RIN2: variants seen among roughly 807,000 people sequenced by gnomAD.
RIN2 encodes the protein RAB5 interacting protein 2.
In RIN2, 36 loss-of-function variants were observed where a neutral mutation model predicts 78.0. The ratio of observed to expected loss-of-function variants is 0.46; its 90% CI spans 0.35 to 0.61. The LOEUF (loss-of-function observed/expected upper bound fraction) is 0.61, where lower values mean the gene tolerates loss of function less well. Ranked by LOEUF, RIN2 falls within the 20% of genes least tolerant of loss-of-function variation. The pLI is 0.00. For synonymous variants in RIN2, 466 were observed against 466.8 expected, an observed-to-expected ratio of 1.00 and a Z score of 0.02; for missense variants, 1,087 against 1,159.7, an observed-to-expected ratio of 0.94 and a Z score of 0.91.
At chr20:19,945,562 A>G (rs551668862) in intron 4 of RIN2, among the ~76,000 whole-genome samples, 1 of 152,306 alleles carries the variant, frequency 6.6e-6, no homozygotes, top group Admixed American at 6.5e-5. Flanking sequence ...GGAATAAAGC[A>G]TTCTGTATTT....
chr20:19,984,622 C>T (rs2042569046), intron 9 of RIN2, among the ~76,000 whole-genome samples: 1 of 152,068 alleles, frequency 6.6e-6, no homozygotes, highest in Admixed American at 6.6e-5. Context: ...CAAAAGTTAG[C>T]TGGGTGTGGT....
chr20:19,786,747 T>C (rs2034690072), intron 1 of RIN2, among the ~76,000 whole-genome samples: 2 of 152,256 alleles, frequency 1.3e-5, no homozygotes, highest in South Asian at 4.1e-4. Context: ...CTAATACCTT[T>C]TGCGGTAGTG....
At chr20:19,854,794 G>T (rs2037112173) in intron 2 of RIN2, among the ~76,000 whole-genome samples, 1 of 152,176 alleles carries the variant, frequency 6.6e-6, no homozygotes, top group African/African-American at 2.4e-5. Flanking sequence ...AGACGATGGG[G>T]TTTTCTAAAT....
chr20:19,924,489 C>CT (rs1333234189), intron 3 of RIN2, among the ~76,000 whole-genome samples: 589 of 35,186 alleles, frequency 0.017, 6 homozygotes, highest in African/African-American at 0.059. Context: ...CCTTCATACC[C>CT]CACCTTCATA....
chr20:19,805,441 A>G (rs1239612603), intron 2 of RIN2, among the ~76,000 whole-genome samples: 1 of 152,132 alleles, frequency 6.6e-6, no homozygotes, highest in Non-Finnish European at 1.5e-5. Context: ...TCACTCTGTC[A>G]CCCAGGCTGG....
chr20:19,980,999 G>C (rs1008003595), intron 9 of RIN2, among the ~76,000 whole-genome samples: 1 of 152,202 alleles, frequency 6.6e-6, no homozygotes, highest in African/African-American at 2.4e-5. Context: ...GTTTTTAAAA[G>C]AGCCAAGTGA....
In RIN2 at chr20:19,970,806, T is replaced by G. The variant is rs771367646; in HGVS notation, c.537-32T>G. On this transcript the variant is annotated intron_variant, in intron 7 of 12. Coordinates refer to ENST00000255006, the MANE Select transcript of RIN2 (RefSeq NM_018993.4). ...ACAAGATAGAAAGCAGACATGTAAT[T>G]ACAAACATTCTCTCTTTTTCTGAAC... 1.2e-5 allele frequency: 18 copies of G among 1,512,982 alleles called. No homozygotes were observed. The East Asian group carries it at 4.1e-4, about 34-fold the overall frequency. The allele number at this position is 1,512,982 out of a possible 1,614,324, so 93.7% of individuals were successfully genotyped here. A position where few individuals can be genotyped will look rare whatever the true frequency, so the allele number is the denominator to read the frequency against.
At chr20:19,974,586 TAA>T (rs1438612371) in intron 8 of RIN2, 66 bp from the exon 9 acceptor site, 12 of 1,506,074 alleles carry the variant, frequency 8.0e-6, no homozygotes, top group Non-Finnish European at 1.1e-5. Context: ...GTGCTTTTTT[TAA>T]TTTGTGAAGG....
chr20:19,858,146 C>T (rs1189455260), intron 2 of RIN2, among the ~76,000 whole-genome samples: 1 of 151,856 alleles, frequency 6.6e-6, no homozygotes, highest in Admixed American at 6.6e-5. Context: ...ATTAAGATGG[C>T]TTGAGTTTTT....
At chr20:19,972,939 A>G (rs1403485713) in intron 8 of RIN2, among the ~76,000 whole-genome samples, 1 of 152,244 alleles carries the variant, frequency 6.6e-6, no homozygotes, top group Non-Finnish European at 1.5e-5. Flanking sequence ...CCAAAACATT[A>G]TAATTTCTAC....
At chr20:19,960,022 G>A (rs1342930262) in intron 5 of RIN2, among the ~76,000 whole-genome samples, 1 of 152,212 alleles carries the variant, frequency 6.6e-6, no homozygotes, top group Non-Finnish European at 1.5e-5. Flanking sequence ...TGTGAAGTGA[G>A]TCAGGAATAA....
At chr20:19,810,610 G>A (rs1205072053) in intron 2 of RIN2, among the ~76,000 whole-genome samples, 3 of 149,476 alleles carry the variant, frequency 2.0e-5, no homozygotes, top group East Asian at 2.0e-4. Context: ...TTGCTCTCTC[G>A]TTAGTTTAGC....
intron 2 of RIN2, among the ~76,000 whole-genome samples, chr20:19,864,974 C>T (rs2037456721): frequency 6.6e-6 from 1 of 152,152 alleles, no homozygotes; most frequent in African/African-American, 2.4e-5. Flanking sequence ...TTTATTTCTT[C>T]ATTTTCTCTT....
At chr20:19,775,147 G>A (rs748883769) in intron 1 of RIN2, among the ~76,000 whole-genome samples, 5 of 152,070 alleles carry the variant, frequency 3.3e-5, no homozygotes, top group Non-Finnish European at 5.9e-5. Context: ...AGAGAGCTTT[G>A]GGCTACAAAT....
chr20:19,970,602 T>C lies in RIN2; in HGVS notation c.537-236T>C, dbSNP rs41384844. ...TCAGCAGGGCAATTGGGTCCCTACT[T>C]TGATACTGAAACTATGCTGGTTTTT... is the stretch of plus-strand genomic sequence containing the variant. On this transcript the variant is annotated intron_variant, in intron 7 of 12. Coordinates refer to ENST00000255006, the MANE Select transcript of RIN2 (RefSeq NM_018993.4). Among the ~76,000 whole-genome samples the C allele has an allele frequency of 5.5e-3, 841 of 152,308 alleles. 4 individuals are homozygous for C. Among genetic ancestry groups the C allele is most frequent in the African/African-American group, 0.02 (815 of 41,582 alleles).
rs568318015 is a variant in RIN2 at position 19,976,970 on chromosome 20, C to T, written c.1762+1183C>T. ...TGAGGCCAGGCCTGGTTGATCAGGG[C>T]GTGGTTAAAGCTGGGGTGTTGCTGG... is the stretch of plus-strand genomic sequence containing the variant. On this transcript the variant is annotated intron_variant, in intron 9 of 12. Transcript: ENST00000255006. 5.9e-5 allele frequency among the ~76,000 whole-genome samples: 9 copies of T among 152,196 alleles called. No individual in the cohort carries two copies. The East Asian group carries it at 7.7e-4, about 13-fold the overall frequency.
At chr20:19,915,886 C>A (rs1290961111) in intron 3 of RIN2, among the ~76,000 whole-genome samples, 1 of 152,204 alleles carries the variant, frequency 6.6e-6, no homozygotes. Flanking sequence ...TTCATCTCCC[C>A]TATCCAATTC....
chr20:19,923,364 C>T (rs962625004), intron 3 of RIN2, among the ~76,000 whole-genome samples: 3 of 150,338 alleles, frequency 2.0e-5, no homozygotes, highest in South Asian at 4.2e-4. Flanking sequence ...TGCAGTGAGC[C>T]GAGATTGTGC....
intron 2 of RIN2, among the ~76,000 whole-genome samples, chr20:19,847,645 A>G (rs1187290197): frequency 6.6e-6 from 1 of 152,210 alleles, no homozygotes; most frequent in African/African-American, 2.4e-5. Flanking sequence ...AATACATACC[A>G]GATTTAGAAA....
Sources: gnomAD v4.1 joint callset for allele counts (sites outside exome capture counted in the v4.1 genomes callset) on GRCh38, gnomAD v4.1.1 for gene constraint, MANE v1.5 for transcripts, NCBI Gene and HGNC (gene_info 2026-07-23, HGNC 2026-07-21) for gene names.